MYEF2: variants seen among roughly 807,000 people sequenced by gnomAD.
MYEF2 encodes myelin expression factor 2.
In MYEF2, 37 loss-of-function variants were observed where a neutral mutation model predicts 75.2. That is an observed-to-expected ratio of 0.49 (90% CI 0.38 to 0.65). MYEF2 has a LOEUF of 0.65. Ranked by LOEUF, MYEF2 falls within the 30% of genes least tolerant of loss-of-function variation. The pLI, the probability that MYEF2 is intolerant of heterozygous loss-of-function variation, is 0.00. For missense variants in MYEF2, 634 were observed against 771.4 expected (o/e 0.82, Z 2.11); for synonymous variants, 195 against 241.6 (o/e 0.81, Z 1.79).
chr15:48,172,226 C>T (rs1406432353), intron 1 of MYEF2, among the ~76,000 whole-genome samples: 1 of 152,010 alleles, frequency 6.6e-6, no homozygotes, highest in East Asian at 1.9e-4. Flanking sequence ...ATGGTGAAAC[C>T]CCGTCTCTAC....
At chr15:48,162,256 C>T (rs1322789056) in intron 5 of MYEF2, among the ~76,000 whole-genome samples, 5 of 152,152 alleles carry the variant, frequency 3.3e-5, no homozygotes, top group African/African-American at 7.2e-5. Context: ...CTAAAGCTAA[C>T]GTTTATTATG....
At chr15:48,159,855 C>T in intron 5 of MYEF2, 51 bp from the exon 6 acceptor site, 1 of 1,520,214 alleles carries the variant, frequency 6.6e-7, no homozygotes, top group Non-Finnish European at 8.9e-7. Context: ...ACTAATTCTA[C>T]AAAATTAAAA....
rs749890396 is a variant in MYEF2 at position 48,159,744 on chromosome 15, C to T, written c.586G>A (p.Gly196Arg). 17 of 1,613,612 alleles carry T rather than the reference C, an allele frequency of 1.1e-5. No homozygotes were observed. The South Asian group carries it at 1.9e-4, about 18-fold the overall frequency. ...LQRTGGSFPG[G>R]HVPDMGSGLM... ...CCTGATCCCATATCAGGGACGTGTC[C>T]TCCTGGAAATGATCCTCCTGTTCGC... The change falls in exon 6 of 17, where the codon GGA becomes AGA. Residue 196 changes from glycine to arginine, a missense_variant. Gly to Arg is a moderately radical substitution (Grantham distance 125, BLOSUM62 -2). Transcript: ENST00000324324.
intron 5 of MYEF2, among the ~76,000 whole-genome samples, chr15:48,160,362 A>T (rs2039889304): frequency 6.6e-6 from 1 of 152,010 alleles, no homozygotes; most frequent in Non-Finnish European, 1.5e-5. Flanking sequence ...ATAATCTGAG[A>T]TGGAGGAGAG....
chr15:48,174,218 C>A (rs2040435732), intron 1 of MYEF2, among the ~76,000 whole-genome samples: 3 of 151,884 alleles, frequency 2.0e-5, no homozygotes, highest in Admixed American at 2.0e-4. Flanking sequence ...GACAAAGGCA[C>A]CAAAAATATA....
chr15:48,155,565 T>C (rs1290064451), intron 9 of MYEF2, among the ~76,000 whole-genome samples: 1 of 151,950 alleles, frequency 6.6e-6, no homozygotes, highest in African/African-American at 2.4e-5. Context: ...TCACCAACTG[T>C]ACCCAGAATA....
In MYEF2 at chr15:48,136,984, A is replaced by C. The variant is rs1450086095; in HGVS notation, c.*5924T>G. 1 of 1,594,656 alleles carries C rather than the reference A, an allele frequency of 6.3e-7. No homozygotes were observed. Among genetic ancestry groups the C allele is most frequent in the Non-Finnish European group, 8.6e-7 (1 of 1,168,404 alleles). On this transcript the variant is annotated 3_prime_UTR_variant, in exon 17 of 17. Coordinates refer to ENST00000324324, the MANE Select transcript of MYEF2 (RefSeq NM_016132.5). ...TGAAGGTAATCACTAAATCTTGCCC[A>C]TTATTAAGTCTATTCGCAAAGGAAA...
In MYEF2 at chr15:48,158,062, T is replaced by A; in HGVS notation, c.922-6A>T. ...TGAGGAACAGACTTGTCATCCTAAT[T>A]GCAAGAAAGTTTATAATATGGTTAA... On this transcript the variant is annotated splice_polypyrimidine_tract_variant and splice_region_variant and intron_variant, in intron 8 of 16. Transcript: ENST00000324324. The A allele has an allele frequency of 6.2e-7, 1 of 1,612,996 alleles. No individual in the cohort carries two copies. The highest frequency in any genetic ancestry group is 8.5e-7 in the Non-Finnish European group (1 of 1,179,322).
intron 16 of MYEF2, 82 bp downstream of exon 16, chr15:48,148,950 T>TCTAA (rs2040586750): frequency 9.8e-6 from 14 of 1,424,394 alleles, no homozygotes; most frequent in Non-Finnish European, 1.2e-5. Flanking sequence ...CAGGCAAAGG[T>TCTAA]CTAAACACAG....
rs2038951018 is a variant in MYEF2, at chr15:48,138,258, T to C, written c.*4650A>G. 1 of 152,042 alleles carries C rather than the reference T, an allele frequency of 6.6e-6. No homozygotes were observed. Among genetic ancestry groups the C allele is most frequent in the African/African-American group, 2.4e-5 (1 of 41,458 alleles). 9.4% of individuals were successfully genotyped at this position (152,042 alleles called of 1,614,324 possible). A position where few individuals can be genotyped will look rare whatever the true frequency, so the allele number is the denominator to read the frequency against. On this transcript the variant is annotated 3_prime_UTR_variant, in exon 17 of 17. Transcript: ENST00000324324. ...TTGTTACATTATTTTGTAAATGCCA[T>C]ACAAATTTTGAACATTTTTGAATTC...
rs753853382 is a variant in MYEF2, at chr15:48,149,300, A to C, written c.1450T>G (p.Phe484Val). The C allele has an allele frequency of 6.2e-7, 1 of 1,613,090 alleles. No individual in the cohort carries two copies. The highest frequency in any genetic ancestry group is 1.3e-5 in the African/African-American group (1 of 74,814). ...GMGLDRMSSS[F>V]DRMGPGIGAI... ...CCTATACCTGGTCCCATTCTATCAA[A>C]GCTGGAACTCATCCGGTCCAGTCCC... Residue 484 changes from phenylalanine to valine, a missense_variant, in exon 15 of 17, where the codon TTT becomes GTT. Physicochemically the swap from Phe to Val is conservative, Grantham distance 50. Coordinates refer to ENST00000324324, the MANE Select transcript of MYEF2 (RefSeq NM_016132.5). This position sits in a 1 kb window ranked among gnomAD's most constrained non-coding sequence, Gnocchi z 4.0.
Position 48,141,480 on chromosome 15 carries a change from G to A in MYEF2, c.*1428C>T, listed in dbSNP as rs1217338846. The A allele has an allele frequency of 8.1e-6, 2 of 245,730 alleles. No homozygotes were observed. Among genetic ancestry groups the A allele is most frequent in the Non-Finnish European group, 1.6e-5 (2 of 125,780 alleles). 15.2% of individuals were successfully genotyped at this position (245,730 alleles called of 1,614,324 possible). A position where few individuals can be genotyped will look rare whatever the true frequency, so the allele number is the denominator to read the frequency against. ...TAATCCCAGCTACTCAGGAGGCTGA[G>A]GCAGGAGAATTGTTTGAATCCAGGA... is the stretch of plus-strand genomic sequence containing the variant. On this transcript the variant is annotated 3_prime_UTR_variant, in exon 17 of 17. Coordinates refer to ENST00000324324, the MANE Select transcript of MYEF2 (RefSeq NM_016132.5).
At position 48,166,103 on chromosome 15, in the gene MYEF2, A is replaced by G; in HGVS notation, c.431+18T>C. The G allele has an allele frequency of 6.3e-7, 1 of 1,579,438 alleles. No homozygotes were observed. Among genetic ancestry groups the G allele is most frequent in the South Asian group, 1.1e-5 (1 of 87,274 alleles). On this transcript the variant is annotated intron_variant, in intron 4 of 16. Coordinates refer to ENST00000324324, the MANE Select transcript of MYEF2 (RefSeq NM_016132.5). ...AAGTTTAATTTGACTTAAGATACTT[A>G]AAGAAAAAATTTCTTACCCACAACC...
intron 1 of MYEF2, among the ~76,000 whole-genome samples, chr15:48,173,105 C>T (rs1396715558): frequency 6.6e-6 from 1 of 152,166 alleles, no homozygotes; most frequent in Non-Finnish European, 1.5e-5. Context: ...CAACAAAATA[C>T]TAGCAAACTA....
chr15:48,160,372 G>A (rs1327179769), intron 5 of MYEF2, among the ~76,000 whole-genome samples: 1 of 151,894 alleles, frequency 6.6e-6, no homozygotes, highest in Non-Finnish European at 1.5e-5. Context: ...ATGGAGGAGA[G>A]GAGAGATAAA....
In MYEF2 at chr15:48,158,041, G is replaced by A. The variant is rs546835820; in HGVS notation, c.937C>T (p.Pro313Ser). ...MHVKMDDKSV[P>S]HEEYRSHDGK... Reference sequence around the variant, plus strand: ...TCATGTGAACGGTACTCTTCATGAGGAACAGACTTGTCATCCTAATTGCAA... The same window carrying A: ...TCATGTGAACGGTACTCTTCATGAGAAACAGACTTGTCATCCTAATTGCAA... Residue 313 changes from proline to serine, a missense_variant, in exon 9 of 17, where the codon CCT (proline) becomes TCT (serine). Pro to Ser is a moderately conservative substitution (Grantham distance 74, BLOSUM62 -1). Transcript: ENST00000324324. The A allele has an allele frequency of 1.2e-6, 2 of 1,613,090 alleles. No homozygotes were observed. Among genetic ancestry groups the A allele is most frequent in the South Asian group, 2.2e-5 (2 of 91,028 alleles).
chr15:48,167,846 T>C (rs780076339), intron 2 of MYEF2, among the ~76,000 whole-genome samples: 7 of 152,074 alleles, frequency 4.6e-5, no homozygotes, highest in Non-Finnish European at 1.0e-4. Context: ...AATTTACAAA[T>C]CATGCTTCAC....
chr15:48,162,161 T>A (rs1008244386), intron 5 of MYEF2, among the ~76,000 whole-genome samples: 1 of 151,998 alleles, frequency 6.6e-6, no homozygotes, highest in Admixed American at 6.6e-5. Flanking sequence ...ACATGTTATA[T>A]GTTGGTAGCA....
chr15:48,164,742 C>T (rs2140909153), intron 5 of MYEF2, among the ~76,000 whole-genome samples: 1 of 152,268 alleles, frequency 6.6e-6, no homozygotes, highest in South Asian at 2.1e-4. Context: ...AGCACTGAGG[C>T]AAGACTCTCC....
Sources: allele counts gnomAD v4.1 joint callset (sites outside exome capture counted in the v4.1 genomes callset), GRCh38; gene constraint gnomAD v4.1.1; non-coding constraint Gnocchi (gnomAD v3.1); transcripts MANE v1.5; gene names NCBI Gene and HGNC (gene_info 2026-07-23, HGNC 2026-07-21).